Variants in OR51C1 observed in about 807,000 individuals in gnomAD.
OR51C1 encodes olfactory receptor family 51 subfamily C member 1, also known as olfactory receptor OR51C1.
the OR51C1 span, among the ~76,000 whole-genome samples, chr11:4,691,867 T>G: frequency 3.3e-5 from 5 of 152,318 alleles, no homozygotes; most frequent in South Asian, 1.0e-3. Flanking sequence ...AAATGTCAGA[T>G]TTCAACTGCT....
chr11:4,696,015 A>T, the OR51C1 span, among the ~76,000 whole-genome samples: 3 of 152,326 alleles, frequency 2.0e-5, no homozygotes, highest in South Asian at 6.2e-4. Flanking sequence ...AGTTAGCAGA[A>T]TCTTTAACGC....
chr11:4,693,450 G>A, the OR51C1 span, among the ~76,000 whole-genome samples: 202 of 152,250 alleles, frequency 1.3e-3, no homozygotes, highest in African/African-American at 4.6e-3. Context: ...GGCTGGGCGC[G>A]GTGGCTCACG....
chr11:4,690,802 T>C, the OR51C1 span: 1 of 433,650 alleles, frequency 2.3e-6, no homozygotes, highest in Non-Finnish European at 4.6e-6. Flanking sequence ...GCTCTACGTA[T>C]CTGTTTGGTT....
At chr11:4,691,967 T>C in the OR51C1 span, among the ~76,000 whole-genome samples, 27 of 152,354 alleles carry the variant, frequency 1.8e-4, no homozygotes, top group African/African-American at 5.8e-4. Context: ...GTTTATATCA[T>C]GTGACCACTC....
chr11:4,695,637 C>T, the OR51C1 span, among the ~76,000 whole-genome samples: 6 of 152,088 alleles, frequency 3.9e-5, no homozygotes, highest in African/African-American at 9.7e-5. Flanking sequence ...TGATGTCACC[C>T]GTGATTTTCT....
the OR51C1 span, among the ~76,000 whole-genome samples, chr11:4,697,330 G>T: frequency 6.6e-6 from 1 of 152,298 alleles, no homozygotes; most frequent in Admixed American, 6.5e-5. Context: ...CAGGCAATGC[G>T]TTCGAAATTG....
At chr11:4,691,190 G>A in the OR51C1 span, 4 of 456,796 alleles carry the variant, frequency 8.8e-6, 1 homozygote, top group South Asian at 3.1e-5. Flanking sequence ...CTTGGCTGTG[G>A]CAGTAGGAAA....
the OR51C1 span, chr11:4,691,111 T>C: frequency 4.4e-5 from 20 of 456,574 alleles, no homozygotes; most frequent in African/African-American, 3.4e-4. Flanking sequence ...CCAACTGCAC[T>C]GTTGATTCTG....
the OR51C1 span, chr11:4,691,379 G>A: frequency 2.2e-6 from 1 of 457,886 alleles, no homozygotes; most frequent in Non-Finnish European, 4.4e-6. Context: ...TGACAGTGAA[G>A]AATTTAATAA....
chr11:4,696,785 C>A, the OR51C1 span, among the ~76,000 whole-genome samples: 4 of 152,162 alleles, frequency 2.6e-5, no homozygotes, highest in African/African-American at 9.7e-5. Flanking sequence ...TTTCATTGCA[C>A]TATTATAAGC....
chr11:4,697,173 A>G, the OR51C1 span, among the ~76,000 whole-genome samples: 1 of 152,200 alleles, frequency 6.6e-6, no homozygotes, highest in East Asian at 1.9e-4. Flanking sequence ...TCAGAGCTGA[A>G]TTTTTAACTC....
At chr11:4,693,815 A>G in the OR51C1 span, among the ~76,000 whole-genome samples, 2 of 152,198 alleles carry the variant, frequency 1.3e-5, no homozygotes, top group African/African-American at 4.8e-5. Context: ...ACATTAACTG[A>G]GTATCTGGAT....
At chr11:4,696,985 A>G in the OR51C1 span, among the ~76,000 whole-genome samples, 1 of 152,238 alleles carries the variant, frequency 6.6e-6, no homozygotes, top group South Asian at 2.1e-4. Context: ...GCTACCATTT[A>G]CTGGACACGT....
the OR51C1 span, among the ~76,000 whole-genome samples, chr11:4,694,381 A>T: frequency 6.6e-6 from 1 of 151,858 alleles, no homozygotes; most frequent in East Asian, 1.9e-4. Flanking sequence ...GCTCAGAGAC[A>T]GAGGGTACCT....
the OR51C1 span, among the ~76,000 whole-genome samples, chr11:4,692,870 G>A: frequency 1.3e-5 from 2 of 151,466 alleles, no homozygotes; most frequent in East Asian, 3.9e-4. Flanking sequence ...AAGGGGGGGT[G>A]GGGGTGTGAT....
the OR51C1 span, among the ~76,000 whole-genome samples, chr11:4,693,926 A>G: frequency 1.8e-4 from 28 of 152,330 alleles, no homozygotes; most frequent in South Asian, 2.5e-3. Context: ...CCGTTTTTCA[A>G]TAATTTCAAT....
chr11:4,690,662 G>C, the OR51C1 span: 1 of 324,776 alleles, frequency 3.1e-6, no homozygotes. Context: ...AGCTTCAATG[G>C]GCACCAGTTC....
At chr11:4,692,405 C>T in the OR51C1 span, among the ~76,000 whole-genome samples, 1 of 152,214 alleles carries the variant, frequency 6.6e-6, no homozygotes, top group Non-Finnish European at 1.5e-5. Context: ...TAATGTGCTG[C>T]CACGTTCCAA....
chr11:4,693,813 T>C, the OR51C1 span, among the ~76,000 whole-genome samples: 7 of 152,328 alleles, frequency 4.6e-5, no homozygotes, highest in Non-Finnish European at 1.0e-4. Context: ...GGACATTAAC[T>C]GAGTATCTGG....
Sources: allele counts gnomAD v4.1 joint callset (sites outside exome capture counted in the v4.1 genomes callset), GRCh38; gene constraint gnomAD v4.1.1; transcripts MANE v1.5; gene names NCBI Gene and HGNC (gene_info 2026-07-23, HGNC 2026-07-21).